RBM14: variants seen among roughly 807,000 people sequenced by gnomAD.
RBM14 encodes RNA-binding protein 14.
In RBM14, 5 loss-of-function variants were observed where a neutral mutation model predicts 52.8. The observed-to-expected ratio is 0.09, with a 90% confidence interval of 0.05 to 0.20. RBM14 has a LOEUF of 0.20. RBM14 is among the 10% of genes least tolerant of loss of function. The pLI, the probability that RBM14 is intolerant of heterozygous loss-of-function variation, is 1.00. For missense variants in RBM14, 780 were observed against 926.6 expected, an observed-to-expected ratio of 0.84 and a Z score of 2.05; for synonymous variants, 411 against 401.8, an observed-to-expected ratio of 1.02 and a Z score of -0.28.
chr11:66,617,125 A>C, intron 1 of RBM14, 68 bp downstream of exon 1: 1 of 1,514,912 alleles, frequency 6.6e-7, no homozygotes, highest in Middle Eastern at 2.1e-4. Flanking sequence ...CACGCCCCTT[A>C]CCCGGGGGTC....
At position 66,624,897 on chromosome 11, in the gene RBM14, T is replaced by C; in HGVS notation, c.1021T>C (p.Tyr341His). 6.2e-7 allele frequency: 1 copy of C among 1,613,774 alleles called. No individual in the cohort carries two copies. The highest frequency in any genetic ancestry group is 1.1e-5 in the South Asian group (1 of 91,068). ...GGCTCAGGGTTCCTCCCTTGCCTCC[T>C]ATGGTAACCAGCCATCCTCTTACGG... ...YGAQGSSLASYGNQPSSYGAQ... is the reference protein window; with the variant it reads ...YGAQGSSLASHGNQPSSYGAQ... Residue 341 changes from tyrosine to histidine, a missense_variant, in exon 2 of 3, where the codon TAT becomes CAT. Around this residue, in one of 4 missense-constraint regions of RBM14, gnomAD observed 675 missense variants for 697.3 expected, o/e 0.97. Coordinates refer to ENST00000310137, the MANE Select transcript of RBM14 (RefSeq NM_006328.4). The surrounding 1 kb of genome is among the most constrained non-coding windows in gnomAD (Gnocchi z 4.7).
In RBM14 at chr11:66,628,695, G is replaced by A. The variant is rs1168333161; in HGVS notation, c.*2027G>A. Among the ~76,000 whole-genome samples, 1 of 152,150 alleles carries A rather than the reference G, an allele frequency of 6.6e-6. No individual in the cohort carries two copies. Among genetic ancestry groups the A allele is most frequent in the African/African-American group, 2.4e-5 (1 of 41,414 alleles). ...TCTGCGTGGTGATGGGGTGGTCTGA[G>A]GGCCAAGTTAATAAGCCTACCTTTG... is the stretch of plus-strand genomic sequence containing the variant. On this transcript the variant is annotated 3_prime_UTR_variant, in exon 3 of 3. Transcript: ENST00000310137.
chr11:66,623,894 CT>C, intron 1 of RBM14: 1 of 717,758 alleles, frequency 1.4e-6, no homozygotes, highest in Non-Finnish European at 2.6e-6. Context: ...CTGGTTTGTA[CT>C]TACAGGAGAT....
chr11:66,617,325 C>G, intron 1 of RBM14: 1 of 1,290,138 alleles, frequency 7.8e-7, no homozygotes, highest in South Asian at 2.3e-5. Flanking sequence ...GCCTGAGAGC[C>G]TTGCGAGTGT....
rs1174969322 is a variant in RBM14, at chr11:66,627,378, A to G, written c.*710A>G. The stretch of plus-strand genomic sequence containing the variant: ...CATTGTCTTGATTGCATTCAGTGTC[A>G]AAGGAGCCAATTTGACATCCAGGAA... On this transcript the variant is annotated 3_prime_UTR_variant, in exon 3 of 3. Coordinates refer to ENST00000310137, the MANE Select transcript of RBM14 (RefSeq NM_006328.4). The G allele has an allele frequency of 1.3e-5, 2 of 152,204 alleles. No homozygotes were observed. The highest frequency in any genetic ancestry group is 4.8e-5 in the African/African-American group (2 of 41,438). 9.4% of individuals were successfully genotyped at this position (152,204 alleles called of 1,614,324 possible).
chr11:66,623,298 A>G (rs1481571558), intron 1 of RBM14, among the ~76,000 whole-genome samples: 3 of 152,244 alleles, frequency 2.0e-5, no homozygotes, highest in Non-Finnish European at 4.4e-5. Context: ...GGGATTGGGC[A>G]TGAACTCAGC....
In RBM14 at chr11:66,628,908, T is replaced by G. The variant is rs1937931436; in HGVS notation, c.*2240T>G. Among the ~76,000 whole-genome samples the G allele has an allele frequency of 6.6e-6, 1 of 152,300 alleles. No individual in the cohort carries two copies. Among genetic ancestry groups the G allele is most frequent in the Non-Finnish European group, 1.5e-5 (1 of 68,014 alleles). ...GTGCTCTCAGGGCCAGTGGTGATGT[T>G]CTGTGTTGCAGCCCCAGCTCTTGAA... is the stretch of plus-strand genomic sequence containing the variant. On this transcript the variant is annotated 3_prime_UTR_variant, in exon 3 of 3. Coordinates refer to ENST00000310137, the MANE Select transcript of RBM14 (RefSeq NM_006328.4).
chr11:66,623,095 A>G (rs1859191089), intron 1 of RBM14, among the ~76,000 whole-genome samples: 1 of 152,252 alleles, frequency 6.6e-6, no homozygotes, highest in Non-Finnish European at 1.5e-5. Flanking sequence ...TATTCAGGTC[A>G]TAATGAGAGC....
chr11:66,619,667 C>A (rs975900422), intron 1 of RBM14, among the ~76,000 whole-genome samples: 2 of 151,652 alleles, frequency 1.3e-5, no homozygotes, highest in Admixed American at 1.3e-4. Context: ...CCTGGGTTCA[C>A]GCCATTCTCC....
rs376234144 is a variant in RBM14 at position 66,624,513 on chromosome 11, G to A, written c.637G>A (p.Asp213Asn). 39 of 1,612,678 alleles carry A rather than the reference G, an allele frequency of 2.4e-5. No homozygotes were observed. Among genetic ancestry groups the A allele is most frequent in the Non-Finnish European group, 3.0e-5 (35 of 1,179,172 alleles). ...GCCCACACCACCCTTCTTTGGTCGC[G>A]ACCGCAGCCCTCTGCGCCGTTCACC... ...RQPTPPFFGR[D>N]RSPLRRSPPR... is the part of the protein sequence containing the mutation. The change falls in exon 2 of 3, where the codon GAC becomes AAC. Residue 213 changes from aspartate to asparagine, a missense_variant. Around this residue, in one of 4 missense-constraint regions of RBM14, gnomAD observed 675 missense variants for 697.3 expected, o/e 0.97. Transcript: ENST00000310137. This position sits in a 1 kb window ranked among gnomAD's most constrained non-coding sequence, Gnocchi z 4.7.
intron 1 of RBM14, among the ~76,000 whole-genome samples, chr11:66,622,512 C>T (rs1360869586): frequency 6.6e-6 from 1 of 152,134 alleles, no homozygotes; most frequent in African/African-American, 2.4e-5. Flanking sequence ...GGCATGAGCC[C>T]CTGTACCTGC....
chr11:66,624,059 G>A lies in RBM14; in HGVS notation c.338-155G>A. ...GACAGTCAGAAGCTTTGTTATATGG[G>A]AGCTACATTTTATGACATACTCCTG... On this transcript the variant is annotated intron_variant, in intron 1 of 2. Transcript: ENST00000310137. The surrounding 1 kb of genome is among the most constrained non-coding windows in gnomAD (Gnocchi z 4.7). 8.0e-6 allele frequency: 10 copies of A among 1,254,994 alleles called. No homozygotes were observed. Among genetic ancestry groups the A allele is most frequent in the Non-Finnish European group, 1.1e-5 (10 of 877,092 alleles). 77.7% of individuals were successfully genotyped at this position (1,254,994 alleles called of 1,614,324 possible). A position where few individuals can be genotyped will look rare whatever the true frequency, so the allele number is the denominator to read the frequency against.
intron 1 of RBM14, chr11:66,623,919 T>A (rs1189737458): frequency 1.4e-6 from 1 of 718,456 alleles, no homozygotes; most frequent in East Asian, 2.7e-5. Flanking sequence ...AAGATTTTTA[T>A]CCTGTGTTGC....
Position 66,625,763 on chromosome 11 carries a change from C to T in RBM14, c.1802+85C>T, listed in dbSNP as rs544098920. 1,313 of 1,052,956 alleles carry T rather than the reference C, an allele frequency of 1.2e-3. 8 individuals are homozygous for T. In the African/African-American group the frequency reaches 0.016, roughly 13 times the overall value. The allele number at this position is 1,052,956 out of a possible 1,614,324, so 65.2% of individuals were successfully genotyped here. On this transcript the variant is annotated intron_variant, in intron 2 of 2. Coordinates refer to ENST00000310137, the MANE Select transcript of RBM14 (RefSeq NM_006328.4). This position sits in a 1 kb window ranked among gnomAD's most constrained non-coding sequence, Gnocchi z 4.2. ...GGCATGGGAGGGAAACTGGAGGCAT[C>T]GGCCCCTCCCTCGGTCTTCTCTTCT...
In RBM14 at chr11:66,626,015, G is replaced by A. The variant is rs539816013; in HGVS notation, c.1802+337G>A. 9.8e-5 allele frequency among the ~76,000 whole-genome samples: 15 copies of A among 152,304 alleles called. No individual in the cohort carries two copies. In the South Asian group the frequency reaches 3.1e-3, roughly 32 times the overall value. ...TCAAGGATCCTTAAGCCTATTACGT[G>A]GTTGTCCTGGCTTTGGCAGGGATGT... is the stretch of plus-strand genomic sequence containing the variant. On this transcript the variant is annotated intron_variant, in intron 2 of 2. Coordinates refer to ENST00000310137, the MANE Select transcript of RBM14 (RefSeq NM_006328.4).
chr11:66,617,465 C>G lies in RBM14; in HGVS notation c.337+408C>G, dbSNP rs185662201. 8.5e-5 allele frequency: 87 copies of G among 1,025,570 alleles called. 2 individuals carry two copies. The Admixed American group carries it at 1.0e-3, about 12-fold the overall frequency. The allele number at this position is 1,025,570 out of a possible 1,614,324, so 63.5% of individuals were successfully genotyped here. On this transcript the variant is annotated intron_variant, in intron 1 of 2. Transcript: ENST00000310137. ...CCCCACTTCCTCTCCAGACGTCGGT[C>G]AGAGCAAGGGAAGAGGGAAAAGGTG...
chr11:66,621,833 C>A (rs1461086241), intron 1 of RBM14, among the ~76,000 whole-genome samples: 1 of 152,182 alleles, frequency 6.6e-6, no homozygotes, highest in Admixed American at 6.5e-5. Flanking sequence ...TCATATCTTA[C>A]AAGGCACTTT....
chr11:66,621,305 C>G (rs145952431), intron 1 of RBM14, among the ~76,000 whole-genome samples: 145 of 152,070 alleles, frequency 9.5e-4, no homozygotes, highest in African/African-American at 3.2e-3. Flanking sequence ...AAAGGAAACA[C>G]GTAGCTTTTC....
rs748187878 is a variant in RBM14, at chr11:66,624,142, T to C, written c.338-72T>C. ...GGCAACAGCTGGGTGCTGTTGTGTG[T>C]CCAATTTGGGACCCATCAGGTAGCA... On this transcript the variant is annotated intron_variant, in intron 1 of 2. Coordinates refer to ENST00000310137, the MANE Select transcript of RBM14 (RefSeq NM_006328.4). This position sits in a 1 kb window ranked among gnomAD's most constrained non-coding sequence, Gnocchi z 4.7. 19 of 1,540,310 alleles carry C rather than the reference T, an allele frequency of 1.2e-5. No homozygotes were observed. Among genetic ancestry groups the C allele is most frequent in the Non-Finnish European group, 1.7e-5 (19 of 1,142,844 alleles).
Sources: allele counts gnomAD v4.1 joint callset (sites outside exome capture counted in the v4.1 genomes callset), GRCh38; gene constraint gnomAD v4.1.1; regional missense constraint gnomAD v4.1.1; non-coding constraint Gnocchi (gnomAD v3.1); transcripts MANE v1.5; gene names NCBI Gene and HGNC (gene_info 2026-07-23, HGNC 2026-07-21).